KLHL3: variants seen among roughly 807,000 people sequenced by gnomAD.
The protein encoded by KLHL3 is kelch like family member 3, also known as kelch-like protein 3.
KLHL3 carries 19 observed loss-of-function variants against 70.5 expected under a neutral mutation model. The ratio of observed to expected loss-of-function variants is 0.27; its 90% confidence interval spans 0.19 to 0.40. KLHL3 has a LOEUF of 0.40. Among genes scored for constraint, KLHL3 ranks in the 10% least tolerant of loss-of-function variants. KLHL3 has a pLI of 1.00. For synonymous variants in KLHL3, 258 were observed against 290.3 expected (o/e 0.89, Z 1.13); for missense variants, 512 against 771.1 (o/e 0.66, Z 3.98).
At chr5:137,622,274 C>T in intron 14 of KLHL3, 148 bp from the exon 15 acceptor site, 1 of 943,674 alleles carries the variant, frequency 1.1e-6, no homozygotes, top group East Asian at 2.6e-5. Context: ...ACTCAGGCTG[C>T]TAGCAGCTGG....
chr5:137,678,094 T>C (rs1187123531), intron 5 of KLHL3, among the ~76,000 whole-genome samples: 7 of 152,182 alleles, frequency 4.6e-5, no homozygotes, highest in Admixed American at 3.3e-4. Flanking sequence ...GAGAGGTCTC[T>C]GGGGGTTCTT....
chr5:137,724,098 T>G (rs1259305475), intron 1 of KLHL3, among the ~76,000 whole-genome samples: 2 of 152,264 alleles, frequency 1.3e-5, no homozygotes, highest in Admixed American at 1.3e-4. Flanking sequence ...TTTCTAATAC[T>G]AAACCATACT....
chr5:137,667,957 A>T (rs1436772017), intron 6 of KLHL3, among the ~76,000 whole-genome samples: 1 of 152,156 alleles, frequency 6.6e-6, no homozygotes, highest in Non-Finnish European at 1.5e-5. Flanking sequence ...GTCACTGCTC[A>T]CATTTTACAG....
chr5:137,706,130 A>ATTTGGAACCACCTCAGGT, intron 3 of KLHL3: 1 of 985,460 alleles, frequency 1.0e-6, no homozygotes, highest in Non-Finnish European at 1.2e-6. Flanking sequence ...CCACCTCAGG[A>ATTTGGAACCACCTCAGGT]CATTTGGGCA....
intron 1 of KLHL3, among the ~76,000 whole-genome samples, chr5:137,729,870 G>A (rs1199112708): frequency 3.9e-5 from 6 of 152,204 alleles, no homozygotes; most frequent in African/African-American, 1.4e-4. Context: ...GGACTTGGTG[G>A]TGCAGTCCTG....
intron 5 of KLHL3, among the ~76,000 whole-genome samples, chr5:137,691,614 C>CT (rs34825035): frequency 1.9e-4 from 27 of 143,328 alleles, no homozygotes; most frequent in South Asian, 6.8e-4. Flanking sequence ...TAGTACGTGA[C>CT]TTTTTTTTTT....
At chr5:137,707,807 A>G (rs1053415373) in intron 3 of KLHL3, among the ~76,000 whole-genome samples, 4 of 152,172 alleles carry the variant, frequency 2.6e-5, no homozygotes, top group African/African-American at 9.7e-5. Flanking sequence ...TTGTAAAATC[A>G]CTTTGGTTTT....
At chr5:137,705,997 ATCT>A (rs1282799914) in intron 3 of KLHL3, 4 of 985,232 alleles carry the variant, frequency 4.1e-6, no homozygotes, top group Non-Finnish European at 4.8e-6. Context: ...CTCACCCCAG[ATCT>A]TCTTATAGAC....
chr5:137,716,595 G>A (rs1752897436), intron 2 of KLHL3, among the ~76,000 whole-genome samples: 1 of 152,156 alleles, frequency 6.6e-6, no homozygotes, highest in African/African-American at 2.4e-5. Context: ...TTTATGAAAG[G>A]AGAAACATGC....
At chr5:137,725,098 C>A in intron 1 of KLHL3, 1 of 977,726 alleles carries the variant, frequency 1.0e-6, no homozygotes, top group Non-Finnish European at 1.2e-6. Context: ...AATAGATTGC[C>A]CCATCCCCAC....
intron 4 of KLHL3, among the ~76,000 whole-genome samples, chr5:137,693,935 C>T (rs914252757): frequency 6.6e-6 from 1 of 151,754 alleles, no homozygotes; most frequent in Non-Finnish European, 1.5e-5. Context: ...AGCTCTGACT[C>T]TCATCACTTT....
At position 137,662,173 on chromosome 5, in the gene KLHL3, T is replaced by C. The variant is rs929153458; in HGVS notation, c.637-142A>G. The C allele has an allele frequency of 2.3e-5, 14 of 601,040 alleles. No homozygotes were observed. The African/African-American group carries it at 2.5e-4, about 11-fold the overall frequency. 37.2% of individuals were successfully genotyped at this position (601,040 alleles called of 1,614,324 possible). ...AGGTGTTTAATTAATCTGAGACTCATATTTAAAATAAAAACAGAAAGGGTT... is the reference window on the plus strand; with the variant it reads ...AGGTGTTTAATTAATCTGAGACTCACATTTAAAATAAAAACAGAAAGGGTT... On this transcript the variant is annotated intron_variant, in intron 6 of 14. Coordinates refer to ENST00000309755, the MANE Select transcript of KLHL3 (RefSeq NM_017415.3).
At chr5:137,711,749 G>A (rs1393763037) in intron 2 of KLHL3, among the ~76,000 whole-genome samples, 1 of 152,100 alleles carries the variant, frequency 6.6e-6, no homozygotes, top group African/African-American at 2.4e-5. Flanking sequence ...TATATCATGG[G>A]GGCCAAATGG....
chr5:137,719,980 A>G (rs1752966450), intron 2 of KLHL3, among the ~76,000 whole-genome samples: 2 of 152,172 alleles, frequency 1.3e-5, no homozygotes, highest in African/African-American at 4.8e-5. Flanking sequence ...GTTTTCTGGC[A>G]AAGTCATTCT....
chr5:137,722,550 T>C (rs1292981778), intron 1 of KLHL3, among the ~76,000 whole-genome samples: 1 of 152,222 alleles, frequency 6.6e-6, no homozygotes, highest in Non-Finnish European at 1.5e-5. Flanking sequence ...AAAGATGAGC[T>C]ATTCCATAAG....
chr5:137,631,389 T>G (rs1233661513), intron 12 of KLHL3, among the ~76,000 whole-genome samples: 1 of 152,162 alleles, frequency 6.6e-6, no homozygotes, highest in Non-Finnish European at 1.5e-5. Flanking sequence ...GAAAACCTTT[T>G]GAAAAGTCAT....
At chr5:137,731,060 A>G (rs1370303048) in intron 1 of KLHL3, among the ~76,000 whole-genome samples, 1 of 152,192 alleles carries the variant, frequency 6.6e-6, no homozygotes, top group East Asian at 1.9e-4. Flanking sequence ...GATGATGGCA[A>G]ATTTCATCAA....
intron 12 of KLHL3, among the ~76,000 whole-genome samples, chr5:137,632,546 T>C (rs1463990706): frequency 6.6e-6 from 1 of 152,134 alleles, no homozygotes; most frequent in Non-Finnish European, 1.5e-5. Flanking sequence ...CCTGAAACTA[T>C]AAAAGTCCTA....
chr5:137,650,127 G>T (rs1751163643), intron 8 of KLHL3, among the ~76,000 whole-genome samples: 1 of 152,200 alleles, frequency 6.6e-6, no homozygotes, highest in South Asian at 2.1e-4. Flanking sequence ...CCAGGACAAT[G>T]ACCCAGGGAA....
Sources: allele counts gnomAD v4.1 joint callset (sites outside exome capture counted in the v4.1 genomes callset), GRCh38; gene constraint gnomAD v4.1.1; transcripts MANE v1.5; gene names NCBI Gene and HGNC (gene_info 2026-07-23, HGNC 2026-07-21).